The following DPYD variants were observed in gnomAD, a reference collection of about 807,000 sequenced individuals.
The protein encoded by DPYD is dihydropyrimidine dehydrogenase.
In DPYD, 109 loss-of-function variants were observed where a neutral mutation model predicts 116.2. The ratio of observed to expected loss-of-function variants is 0.94; its 90% CI spans 0.80 to 1.10. The LOEUF is 1.10. Among genes scored for constraint, DPYD ranks in the 50% least tolerant of loss-of-function variants. DPYD has a pLI of 0.00. For missense variants in DPYD, 1,302 were observed against 1,254.5 expected (o/e 1.04, Z -0.57); for synonymous variants, 440 against 432.0 (o/e 1.02, Z -0.23).
intron 16 of DPYD, among the ~76,000 whole-genome samples, chr1:97,354,190 C>T (rs886328685): frequency 6.6e-6 from 1 of 152,302 alleles, no homozygotes; most frequent in South Asian, 2.1e-4. Flanking sequence ...CATTTGTAAT[C>T]CAGAACCGTT....
chr1:97,794,729 A>C (rs764470415), intron 3 of DPYD, among the ~76,000 whole-genome samples: 17 of 152,160 alleles, frequency 1.1e-4, no homozygotes, highest in Non-Finnish European at 1.5e-4. Flanking sequence ...CTTTTCGGAA[A>C]AAAGTCACCA....
chr1:97,286,037 A>C (rs181754285), intron 18 of DPYD, among the ~76,000 whole-genome samples: 2 of 152,258 alleles, frequency 1.3e-5, no homozygotes, highest in East Asian at 3.9e-4. Flanking sequence ...ACAATTTGGC[A>C]TGATTTTGCA....
intron 11 of DPYD, among the ~76,000 whole-genome samples, chr1:97,558,588 T>C (rs566004383): frequency 2.0e-5 from 3 of 152,186 alleles, no homozygotes; most frequent in African/African-American, 7.2e-5. Flanking sequence ...AGTTTGAATA[T>C]GCTAGTAGAA....
intron 16 of DPYD, among the ~76,000 whole-genome samples, chr1:97,337,087 A>G (rs1479268046): frequency 1.3e-5 from 2 of 152,188 alleles, no homozygotes; most frequent in Admixed American, 6.5e-5. Context: ...ATGACCAGAA[A>G]GGAAGGAATG....
intron 18 of DPYD, among the ~76,000 whole-genome samples, chr1:97,248,787 C>T (rs941403354): frequency 4.6e-5 from 7 of 152,110 alleles, no homozygotes; most frequent in African/African-American, 1.7e-4. Context: ...ACTCTTCATA[C>T]TTTCTATATA....
chr1:97,735,386 A>C (rs1034061275), intron 4 of DPYD, among the ~76,000 whole-genome samples: 1 of 152,016 alleles, frequency 6.6e-6, no homozygotes, highest in Non-Finnish European at 1.5e-5. Flanking sequence ...GTTTTAAGAA[A>C]TAAAAGGCGG....
In DPYD at chr1:97,330,570, T is replaced by TA. The variant is rs556864602; in HGVS notation, c.2059-24274dup. On this transcript the variant is annotated intron_variant, in intron 16 of 22. Coordinates refer to ENST00000370192, the MANE Select transcript of DPYD (RefSeq NM_000110.4). The stretch of plus-strand genomic sequence containing the variant: ...ATGAAGTTTTCATTCTAGTGGAAAA[T>TA]ATGATAAGAACAAAATAAATAAGTA... Among the ~76,000 whole-genome samples, 6 of 152,208 alleles carry TA rather than the reference T, an allele frequency of 3.9e-5. No individual in the cohort carries two copies. In the South Asian group the frequency reaches 1.2e-3, roughly 32 times the overall value.
At chr1:97,876,201 G>A (rs1263630966) in intron 2 of DPYD, among the ~76,000 whole-genome samples, 1 of 152,006 alleles carries the variant, frequency 6.6e-6, no homozygotes, top group East Asian at 1.9e-4. Flanking sequence ...AAATCCCACA[G>A]AGTGAGCCAG....
intron 20 of DPYD, among the ~76,000 whole-genome samples, chr1:97,100,310 C>CA (rs940241775): frequency 6.6e-6 from 1 of 151,906 alleles, no homozygotes; most frequent in Admixed American, 6.6e-5. Context: ...CACTTGGTGC[C>CA]AAAAAAATGC....
At chr1:97,226,996 A>C (rs1162826712) in intron 19 of DPYD, among the ~76,000 whole-genome samples, 2 of 152,172 alleles carry the variant, frequency 1.3e-5, no homozygotes, top group Admixed American at 1.3e-4. Context: ...ATTCCAAGAA[A>C]ATTCGCTCAA....
intron 18 of DPYD, among the ~76,000 whole-genome samples, chr1:97,241,906 C>G (rs1319235921): frequency 1.3e-5 from 2 of 151,254 alleles, no homozygotes; most frequent in African/African-American, 4.8e-5. Flanking sequence ...AAACATTCAG[C>G]TATAACACAT....
intron 16 of DPYD, among the ~76,000 whole-genome samples, chr1:97,346,685 A>G (rs1206300787): frequency 6.6e-6 from 1 of 151,820 alleles, no homozygotes; most frequent in African/African-American, 2.4e-5. Context: ...TCTTACTAGT[A>G]TTTAGTTAAT....
At chr1:97,821,734 C>T (rs1378678956) in intron 3 of DPYD, among the ~76,000 whole-genome samples, 1 of 152,172 alleles carries the variant, frequency 6.6e-6, no homozygotes, top group Non-Finnish European at 1.5e-5. Flanking sequence ...CAGTGAACTT[C>T]TCCATTGAAT....
chr1:97,366,748 A>T (rs1163755782), intron 16 of DPYD, among the ~76,000 whole-genome samples: 1 of 152,172 alleles, frequency 6.6e-6, no homozygotes, highest in Non-Finnish European at 1.5e-5. Flanking sequence ...ATACCTAATC[A>T]GTATCAAAAA....
chr1:97,508,242 G>A (rs1026068812), intron 13 of DPYD, among the ~76,000 whole-genome samples: 9 of 151,962 alleles, frequency 5.9e-5, no homozygotes, highest in Non-Finnish European at 1.3e-4. Flanking sequence ...TGGTTAACAA[G>A]AGCTTCTCTG....
chr1:97,620,036 TG>T (rs1434077877), intron 8 of DPYD, among the ~76,000 whole-genome samples: 1 of 146,192 alleles, frequency 6.8e-6, no homozygotes, highest in African/African-American at 2.5e-5. Flanking sequence ...CCAGTATAAG[TG>T]AAAAAAAAAA....
intron 18 of DPYD, among the ~76,000 whole-genome samples, chr1:97,242,636 C>T (rs1662453343): frequency 6.6e-6 from 1 of 151,606 alleles, no homozygotes; most frequent in African/African-American, 2.4e-5. Context: ...TTATAATTTA[C>T]TTCTGTAGTA....
chr1:97,716,490 A>G (rs534767541), intron 5 of DPYD, among the ~76,000 whole-genome samples: 92 of 152,220 alleles, frequency 6.0e-4, no homozygotes, highest in African/African-American at 1.9e-3. Context: ...AAATTCATAC[A>G]TATGATCTTA....
chr1:97,835,101 C>A (rs553362212), intron 2 of DPYD, among the ~76,000 whole-genome samples: 2 of 151,954 alleles, frequency 1.3e-5, no homozygotes, highest in South Asian at 4.2e-4. Context: ...ACAATCAGGC[C>A]CTGTCTAGGA....
Sources: allele counts gnomAD v4.1 joint callset (sites outside exome capture counted in the v4.1 genomes callset), GRCh38; gene constraint gnomAD v4.1.1; transcripts MANE v1.5; gene names NCBI Gene and HGNC (gene_info 2026-07-23, HGNC 2026-07-21).